Variants in CSMD1 observed in about 807,000 individuals in gnomAD.
CSMD1 encodes the protein CUB and sushi domain-containing protein 1.
In CSMD1, 213 loss-of-function variants were observed where a neutral mutation model predicts 417.5. The ratio of observed to expected loss-of-function variants is 0.51; its 90% CI spans 0.46 to 0.57. The LOEUF (loss-of-function observed/expected upper bound fraction) is 0.57, where lower values mean the gene tolerates loss of function less well. Ranked by LOEUF, CSMD1 falls within the 20% of genes least tolerant of loss-of-function variation. CSMD1 has a pLI of 0.00. For synonymous variants in CSMD1, 2,862 were observed against 1,736.8 expected (o/e 1.65, Z -16.11); for missense variants, 6,923 against 4,529.7 (o/e 1.53, Z -15.17).
chr8:3,798,915 G>C (rs1407100996), intron 5 of CSMD1, among the ~76,000 whole-genome samples: 3 of 151,914 alleles, frequency 2.0e-5, no homozygotes, highest in Non-Finnish European at 4.4e-5. Flanking sequence ...AAGAAATGTG[G>C]AGTCAAGCTA....
chr8:3,171,414 C>G (rs1308556143), intron 37 of CSMD1, among the ~76,000 whole-genome samples: 1 of 152,216 alleles, frequency 6.6e-6, no homozygotes, highest in Non-Finnish European at 1.5e-5. Context: ...CTCAATCCCA[C>G]TGACATGTCT....
intron 49 of CSMD1, among the ~76,000 whole-genome samples, chr8:3,074,613 G>A (rs1420515077): frequency 6.6e-6 from 1 of 152,226 alleles, no homozygotes; most frequent in Non-Finnish European, 1.5e-5. Context: ...ATTGTATCCT[G>A]TGGCAATGAG....
chr8:3,165,753 G>C (rs1820169256), intron 37 of CSMD1, among the ~76,000 whole-genome samples: 1 of 152,142 alleles, frequency 6.6e-6, no homozygotes, highest in Non-Finnish European at 1.5e-5. Context: ...AGGGGCAGAA[G>C]ACAGCTAGGC....
rs769537827 is a variant in CSMD1 at position 2,938,744 on chromosome 8, T to C, written c.10536A>G (p.Arg3512=). ...CATTGTATTGAACTTTTGGTCTCGT[T>C]CTAAGGAAAACAGAAAACAAATCAT... The part of the protein sequence containing the change: ...SGFAFYLYKH[R]TRPKVQYNGY... Residue 3512 remains arginine (R), a splice_region_variant and synonymous_variant, in exon 70 of 70, where the codon AGA becomes AGG. Transcript: ENST00000635120. 4.4e-6 allele frequency: 7 copies of C among 1,603,940 alleles called. No individual in the cohort carries two copies. The highest frequency in any genetic ancestry group is 6.0e-6 in the Non-Finnish European group (7 of 1,174,826).
chr8:3,281,337 G>A (rs558919783), intron 26 of CSMD1, among the ~76,000 whole-genome samples: 9 of 152,092 alleles, frequency 5.9e-5, no homozygotes, highest in African/African-American at 1.2e-4. Context: ...CCAGCTACTC[G>A]GGAGGCTGAG....
chr8:3,898,930 C>T (rs1019762051), intron 5 of CSMD1, among the ~76,000 whole-genome samples: 1 of 152,134 alleles, frequency 6.6e-6, no homozygotes, highest in Non-Finnish European at 1.5e-5. Flanking sequence ...TCAAGAACCT[C>T]TGCCCTCAAA....
chr8:4,923,887 T>C (rs987566979), intron 1 of CSMD1, among the ~76,000 whole-genome samples: 3 of 152,186 alleles, frequency 2.0e-5, no homozygotes, highest in Non-Finnish European at 4.4e-5. Flanking sequence ...TATCCAAACT[T>C]TATCTGTATA....
intron 2 of CSMD1, among the ~76,000 whole-genome samples, chr8:4,510,389 C>CAAAAAAAAAAAAAAAAAAAAAAAAAAA (rs1563243981): frequency 1.8e-4 from 2 of 10,960 alleles, no homozygotes; most frequent in African/African-American, 8.3e-4. Flanking sequence ...AGCATAATGC[C>CAAAAAAAAAAAAAAAAAAAAAAAAAAA]TAAAAAAAAA....
intron 1 of CSMD1, among the ~76,000 whole-genome samples, chr8:4,918,503 T>A (rs1443305494): frequency 6.6e-6 from 1 of 152,124 alleles, no homozygotes; most frequent in Non-Finnish European, 1.5e-5. Context: ...GCTCCAATAT[T>A]TATTAGAAAA....
intron 1 of CSMD1, among the ~76,000 whole-genome samples, chr8:4,936,104 A>T (rs1807602791): frequency 6.6e-6 from 1 of 152,234 alleles, no homozygotes; most frequent in Non-Finnish European, 1.5e-5. Context: ...GGAGGTAATT[A>T]CAGTTATAAA....
At chr8:3,798,631 T>C (rs967957150) in intron 5 of CSMD1, among the ~76,000 whole-genome samples, 2 of 152,140 alleles carry the variant, frequency 1.3e-5, no homozygotes, top group Non-Finnish European at 2.9e-5. Flanking sequence ...CCAGTACTCA[T>C]GCTATATAAA....
chr8:3,602,776 G>A (rs1399873778), intron 8 of CSMD1, among the ~76,000 whole-genome samples: 1 of 151,384 alleles, frequency 6.6e-6, no homozygotes, highest in Non-Finnish European at 1.5e-5. Context: ...AGGTCATTTT[G>A]AAGAGCATTT....
intron 5 of CSMD1, among the ~76,000 whole-genome samples, chr8:3,951,398 G>T (rs1230562254): frequency 3.3e-5 from 5 of 152,174 alleles, no homozygotes; most frequent in African/African-American, 1.2e-4. Context: ...AATGCAAAAG[G>T]CATTTGGGGC....
At chr8:4,836,621 G>C (rs143185573) in intron 1 of CSMD1, among the ~76,000 whole-genome samples, 2 of 152,288 alleles carry the variant, frequency 1.3e-5, no homozygotes, top group African/African-American at 4.8e-5. Flanking sequence ...CTCTGCTTTT[G>C]TTCTTACTCT....
intron 2 of CSMD1, among the ~76,000 whole-genome samples, chr8:4,550,451 G>A (rs560131288): frequency 2.0e-5 from 3 of 151,256 alleles, no homozygotes; most frequent in African/African-American, 7.3e-5. Flanking sequence ...GTAAACTAAA[G>A]GTATTGCATT....
At chr8:4,746,710 GC>G (rs1810978346) in intron 1 of CSMD1, among the ~76,000 whole-genome samples, 1 of 152,106 alleles carries the variant, frequency 6.6e-6, no homozygotes, top group Non-Finnish European at 1.5e-5. Flanking sequence ...AGCTGCTGGG[GC>G]TAATCCACAA....
intron 51 of CSMD1, among the ~76,000 whole-genome samples, chr8:3,019,282 A>C (rs1215607939): frequency 6.6e-6 from 1 of 152,202 alleles, no homozygotes; most frequent in East Asian, 1.9e-4. Context: ...AAAAATACAC[A>C]GTATACAAAG....
In CSMD1 at chr8:4,667,864, T is replaced by C. The variant is rs563432383; in HGVS notation, c.86-30306A>G. 7.2e-5 allele frequency among the ~76,000 whole-genome samples: 11 copies of C among 152,346 alleles called. No individual in the cohort carries two copies. The South Asian group carries it at 2.3e-3, about 32-fold the overall frequency. ...CTTTTATAGCTTTTTCTAGCCTTAA[T>C]GCACGGCTAAAACTGCTAATGGAAT... On this transcript the variant is annotated intron_variant, in intron 1 of 69. Transcript: ENST00000635120.
intron 2 of CSMD1, among the ~76,000 whole-genome samples, chr8:4,519,191 A>G (rs1473199858): frequency 6.6e-6 from 1 of 152,134 alleles, no homozygotes. Flanking sequence ...TCCCTAATAA[A>G]TTACTAGATC....
Sources: allele counts gnomAD v4.1 joint callset (sites outside exome capture counted in the v4.1 genomes callset), GRCh38; gene constraint gnomAD v4.1.1; transcripts MANE v1.5; gene names NCBI Gene and HGNC (gene_info 2026-07-23, HGNC 2026-07-21).